The following PDE10A variants were observed in gnomAD, a reference collection of about 807,000 sequenced individuals.
The protein encoded by PDE10A is phosphodiesterase 10A.
PDE10A carries 39 observed loss-of-function variants against 97.7 expected under a neutral mutation model. That is an observed-to-expected ratio of 0.40 (90% CI 0.31 to 0.52). The LOEUF is 0.52. Among genes scored for constraint, PDE10A ranks in the 20% least tolerant of loss-of-function variants. The pLI, the probability that PDE10A is intolerant of heterozygous loss-of-function variation, is 0.56. For synonymous variants in PDE10A, 371 were observed against 376.8 expected (o/e 0.98, Z 0.18); for missense variants, 731 against 1,047.8 (o/e 0.70, Z 4.17).
At chr6:165,733,963 C>T (rs1792501732) in intron 1 of PDE10A, among the ~76,000 whole-genome samples, 2 of 152,062 alleles carry the variant, frequency 1.3e-5, no homozygotes, top group Admixed American at 1.3e-4. Context: ...TACACTCAGA[C>T]AATTTAAAAT....
intron 13 of PDE10A, among the ~76,000 whole-genome samples, chr6:165,407,068 C>T (rs996317596): frequency 6.6e-6 from 1 of 152,262 alleles, no homozygotes; most frequent in South Asian, 2.1e-4. Flanking sequence ...TTTTTAGCTT[C>T]CATAATCATA....
intron 18 of PDE10A, among the ~76,000 whole-genome samples, chr6:165,366,190 T>C (rs1421707898): frequency 3.3e-5 from 5 of 152,188 alleles, no homozygotes; most frequent in Non-Finnish European, 5.9e-5. Context: ...TCTAAACTCA[T>C]GTCTATTAAA....
intron 1 of PDE10A, among the ~76,000 whole-genome samples, chr6:165,986,932 C>T (rs1169177127): frequency 6.6e-6 from 1 of 150,854 alleles, no homozygotes; most frequent in Non-Finnish European, 1.5e-5. Flanking sequence ...ACCCCCTCCT[C>T]CCCTATGACA....
upstream of PDE10A, among the ~76,000 whole-genome samples, chr6:165,666,887 C>T (rs771041125): frequency 9.9e-5 from 15 of 152,178 alleles, no homozygotes; most frequent in South Asian, 2.1e-4. Context: ...ACTGCCTCTC[C>T]AACTATTCAT....
chr6:165,701,427 G>A lies in PDE10A; in HGVS notation c.-614-157859C>T, dbSNP rs139021005. On this transcript the variant is annotated intron_variant, in intron 1 of 19. Transcript: ENST00000366882. The stretch of plus-strand genomic sequence containing the variant: ...CCACTCAGTAGCACATGCTTGGACC[G>A]GGCCATTTTCTTTGATTTAACAACA... Among the ~76,000 whole-genome samples, 645 of 152,228 alleles carry A rather than the reference G, an allele frequency of 4.2e-3. 3 individuals are homozygous for A. Among genetic ancestry groups the A allele is most frequent in the African/African-American group, 0.015 (612 of 41,536 alleles).
rs976789434 is a variant in PDE10A at position 165,864,188 on chromosome 6, AT to A, written c.-615+123340del. Among the ~76,000 whole-genome samples, 4 of 149,960 alleles carry A rather than the reference AT, an allele frequency of 2.7e-5. No homozygotes were observed. In the East Asian group the frequency reaches 5.9e-4, roughly 22 times the overall value. ...CCAGATCCTTTATAAGAAAAAAAAA[AT>A]CTAATATTGTCACCACCTGCTTATA... is the stretch of plus-strand genomic sequence containing the variant. On this transcript the variant is annotated intron_variant, in intron 1 of 19. Coordinates refer to the PDE10A transcript ENST00000366882.
intron 1 of PDE10A, among the ~76,000 whole-genome samples, chr6:165,762,668 T>C (rs1420339302): frequency 1.3e-5 from 2 of 151,322 alleles, no homozygotes; most frequent in African/African-American, 4.9e-5. Context: ...ATCAAATAAA[T>C]ATAGCTCTAT....
Position 165,334,616 on chromosome 6 carries a change from C to T in PDE10A, c.3066-1489G>A, listed in dbSNP as rs143404752. On this transcript the variant is annotated intron_variant, in intron 21 of 21. Coordinates refer to ENST00000539869, the MANE Select transcript of PDE10A (RefSeq NM_001385079.1). ...TGAATTTACATTGATATCCCACTTT[C>T]TCTTTAATTTTGCACACACTTTTAT... Among the ~76,000 whole-genome samples the T allele has an allele frequency of 8.7e-3, 1,327 of 152,306 alleles. 17 individuals carry two copies. The highest frequency in any genetic ancestry group is 0.03 in the African/African-American group (1,254 of 41,570).
At chr6:165,797,924 T>C (rs1778872716) in intron 1 of PDE10A, among the ~76,000 whole-genome samples, 1 of 152,176 alleles carries the variant, frequency 6.6e-6, no homozygotes, top group Non-Finnish European at 1.5e-5. Context: ...TGATAGAACA[T>C]AATTATTCTG....
chr6:165,987,175 C>T (rs975041500), intron 1 of PDE10A, among the ~76,000 whole-genome samples: 5 of 152,194 alleles, frequency 3.3e-5, no homozygotes, highest in African/African-American at 1.2e-4. Flanking sequence ...GCGCGCAGCC[C>T]TCGCTGGGAA....
At chr6:165,603,702 G>A (rs764240392) in intron 1 of PDE10A, among the ~76,000 whole-genome samples, 2 of 152,226 alleles carry the variant, frequency 1.3e-5, no homozygotes, top group Non-Finnish European at 2.9e-5. Context: ...CTTCACCACA[G>A]TCATGGGCAC....
intron 2 of PDE10A, among the ~76,000 whole-genome samples, chr6:165,512,368 G>A (rs2128302405): frequency 6.6e-6 from 1 of 151,620 alleles, no homozygotes; most frequent in East Asian, 1.9e-4. Flanking sequence ...TAATTTTGCT[G>A]ACAATAGTAA....
In PDE10A at chr6:165,733,540, T is replaced by C. The variant is rs142185801; in HGVS notation, c.-614-189972A>G. On this transcript the variant is annotated intron_variant, in intron 1 of 19. Transcript: ENST00000366882. Reference sequence around the variant, plus strand: ...GGCAATGTCTATAAAGTGCTTGGAGTTCTCTGAATAAAAAGCACAGTAGAA... The same window carrying C: ...GGCAATGTCTATAAAGTGCTTGGAGCTCTCTGAATAAAAAGCACAGTAGAA... 1.1e-4 allele frequency among the ~76,000 whole-genome samples: 16 copies of C among 152,192 alleles called. 1 individual carries two copies. Among genetic ancestry groups the C allele is most frequent in the African/African-American group, 3.9e-4 (16 of 41,522 alleles).
chr6:165,339,906 G>A (rs1781877721), intron 19 of PDE10A, among the ~76,000 whole-genome samples: 2 of 152,060 alleles, frequency 1.3e-5, no homozygotes, highest in Admixed American at 1.3e-4. Flanking sequence ...TTCACGTACA[G>A]TTACAGGTAA....
At chr6:165,923,653 G>A (rs554269145) in intron 1 of PDE10A, among the ~76,000 whole-genome samples, 105 of 152,326 alleles carry the variant, frequency 6.9e-4, no homozygotes, top group Middle Eastern at 3.4e-3. Flanking sequence ...AGGACCCATT[G>A]CTGGTTAGGA....
chr6:165,890,479 G>A (rs1242647673), intron 1 of PDE10A, among the ~76,000 whole-genome samples: 2 of 135,584 alleles, frequency 1.5e-5, no homozygotes, highest in Non-Finnish European at 3.4e-5. Flanking sequence ...GTCCTCCTGA[G>A]TATGTGTGGA....
At chr6:165,816,042 C>T (rs1344908756) in intron 1 of PDE10A, among the ~76,000 whole-genome samples, 3 of 152,052 alleles carry the variant, frequency 2.0e-5, no homozygotes, top group African/African-American at 7.2e-5. Flanking sequence ...CTCTGCCTCC[C>T]GGATTCAAGC....
intron 1 of PDE10A, among the ~76,000 whole-genome samples, chr6:165,982,924 C>A (rs1423444538): frequency 2.0e-5 from 3 of 152,134 alleles, no homozygotes; most frequent in African/African-American, 7.2e-5. Context: ...CATTTGCACA[C>A]CAATTTTCTT....
intron 17 of PDE10A, among the ~76,000 whole-genome samples, chr6:165,381,783 G>A (rs1306120587): frequency 1.3e-5 from 2 of 151,558 alleles, no homozygotes; most frequent in Non-Finnish European, 2.9e-5. Context: ...GCCCGGCCAC[G>A]TCTCCCTTTA....
Sources: gnomAD v4.1 joint callset for allele counts (sites outside exome capture counted in the v4.1 genomes callset) on GRCh38, gnomAD v4.1.1 for gene constraint, MANE v1.5 for transcripts, NCBI Gene and HGNC (gene_info 2026-07-23, HGNC 2026-07-21) for gene names.